Variants in RECQL observed in about 807,000 individuals in gnomAD.
RECQL encodes RecQ like helicase.
Under a neutral mutation model 75.8 loss-of-function variants are expected in RECQL, and 73 were observed. The observed-to-expected ratio is 0.96, with a 90% CI of 0.80 to 1.17. RECQL has a LOEUF of 1.17. RECQL is among the 50% of genes most tolerant of loss of function. RECQL has a pLI of 0.00. For missense variants in RECQL, 699 were observed against 772.1 expected (o/e 0.91, Z 1.12); for synonymous variants, 248 against 254.4 (o/e 0.97, Z 0.24).
chr12:21,492,132 C>A (rs1943426891), intron 2 of RECQL, among the ~76,000 whole-genome samples: 2 of 152,136 alleles, frequency 1.3e-5, no homozygotes, highest in South Asian at 4.1e-4. Context: ...AAGTATCAGA[C>A]TTTGAAGCAA....
intron 6 of RECQL, among the ~76,000 whole-genome samples, chr12:21,482,267 G>GAAAA (rs11451473): frequency 1.4e-5 from 2 of 146,534 alleles, no homozygotes; most frequent in Non-Finnish European, 3.0e-5. Flanking sequence ...CTTAACAAAA[G>GAAAA]AAAAAAAAAA....
Position 21,474,943 on chromosome 12 carries a change from T to G in RECQL, c.1253A>C (p.Tyr418Ser), listed in dbSNP as rs1295951241. The change falls in exon 11 of 15, where the codon TAC (tyrosine) becomes TCC (serine). Residue 418 changes from tyrosine to serine, a missense_variant. Physicochemically the swap from Tyr to Ser is moderately radical, Grantham distance 144. This residue lies in a region of RECQL where 669 missense variants were observed against 713.5 expected (regional missense o/e 0.94). Coordinates refer to ENST00000444129, the MANE Select transcript of RECQL (RefSeq NM_002907.4). ...TATTCTGAATATATCTCCAAAGCCG[T>G]AGTACAAAATACAGTCTGCTTTCAT... ...DDMKADCILYYGFGDIFRISS... is the reference protein window; with the variant it reads ...DDMKADCILYSGFGDIFRISS... The G allele has an allele frequency of 1.2e-6, 2 of 1,612,994 alleles. No homozygotes were observed. Among genetic ancestry groups the G allele is most frequent in the Non-Finnish European group, 1.7e-6 (2 of 1,179,148 alleles).
chr12:21,485,935 A>G (rs1943287403), intron 5 of RECQL, among the ~76,000 whole-genome samples: 1 of 152,208 alleles, frequency 6.6e-6, no homozygotes. Flanking sequence ...TCCTAAATAC[A>G]AGAAATTCCA....
intron 4 of RECQL, among the ~76,000 whole-genome samples, chr12:21,489,656 G>C (rs1943370721): frequency 6.6e-6 from 1 of 152,178 alleles, no homozygotes; most frequent in Admixed American, 6.6e-5. Context: ...TTCCAGAGCT[G>C]CTTCTCCTAC....
chr12:21,471,379 AAAAAC>A (rs748337741), intron 13 of RECQL, 44 bp downstream of exon 13: 89 of 1,539,430 alleles, frequency 5.8e-5, no homozygotes, highest in Non-Finnish European at 7.8e-5. Flanking sequence ...ATTTTTAAAA[AAAAAC>A]CATAAAGACA....
chr12:21,479,386 T>C (rs1943149701), intron 6 of RECQL, among the ~76,000 whole-genome samples: 1 of 143,748 alleles, frequency 7.0e-6, no homozygotes. Context: ...GGAGTCTCAC[T>C]CTGTCACCCA....
chr12:21,470,076 T>C lies in RECQL; in HGVS notation c.*118A>G, dbSNP rs1177647220. The C allele has an allele frequency of 2.8e-5, 20 of 703,092 alleles. No homozygotes were observed. Among genetic ancestry groups the C allele is most frequent in the East Asian group, 1.2e-4 (4 of 33,194 alleles). 43.6% of individuals were successfully genotyped at this position (703,092 alleles called of 1,614,324 possible). A position where few individuals can be genotyped will look rare whatever the true frequency, so the allele number is the denominator to read the frequency against. On this transcript the variant is annotated 3_prime_UTR_variant, in exon 15 of 15. Transcript: ENST00000444129. Reference sequence around the variant, plus strand: ...TCTTCAGAGATAAGCTCTGAAAATATAGATCCATACATATAAAATATCTAT... The same window carrying C: ...TCTTCAGAGATAAGCTCTGAAAATACAGATCCATACATATAAAATATCTAT...
At chr12:21,479,393 C>T (rs1037747306) in intron 6 of RECQL, among the ~76,000 whole-genome samples, 7 of 148,908 alleles carry the variant, frequency 4.7e-5, no homozygotes, top group African/African-American at 1.8e-4. Context: ...CACTCTGTCA[C>T]CCAGGTTGGA....
chr12:21,471,039 G>C lies in RECQL; in HGVS notation c.1727C>G (p.Ala576Gly), dbSNP rs747980779. The part of the protein sequence containing the change: ...TISYLKIGPK[A>G]NLLNNEAHAI... ...ATGTGCCTCATTGTTCAGAAGATTA[G>C]CTTTAGGTCCTATTTTCAAATACGA... The change falls in exon 14 of 15, where the codon GCT (alanine) becomes GGT (glycine). Residue 576 changes from alanine to glycine, a missense_variant. Ala to Gly is a moderately conservative substitution (Grantham distance 60). Coordinates refer to ENST00000444129, the MANE Select transcript of RECQL (RefSeq NM_002907.4). The C allele has an allele frequency of 6.2e-7, 1 of 1,601,908 alleles. No individual in the cohort carries two copies. Among genetic ancestry groups the C allele is most frequent in the South Asian group, 1.1e-5 (1 of 89,380 alleles).
intron 2 of RECQL, among the ~76,000 whole-genome samples, chr12:21,492,948 C>A (rs1419987500): frequency 6.6e-6 from 1 of 152,216 alleles, no homozygotes; most frequent in Non-Finnish European, 1.5e-5. Flanking sequence ...ACTTCACACC[C>A]ATCTTCCTTT....
Position 21,483,361 on chromosome 12 carries a change from A to G in RECQL, c.700+15T>C. 1.3e-6 allele frequency: 2 copies of G among 1,585,676 alleles called. No homozygotes were observed. The highest frequency in any genetic ancestry group is 1.7e-6 in the Non-Finnish European group (2 of 1,165,456). On this transcript the variant is annotated intron_variant, in intron 6 of 14. Coordinates refer to ENST00000444129, the MANE Select transcript of RECQL (RefSeq NM_002907.4). ...TCTATGACATCAAAAAGTTTTCTAG[A>G]TAAAACATACATACCAGGTCTGAAA... is the stretch of plus-strand genomic sequence containing the variant.
At chr12:21,485,347 A>G (rs1943272211) in intron 5 of RECQL, among the ~76,000 whole-genome samples, 1 of 143,108 alleles carries the variant, frequency 7.0e-6, no homozygotes, top group South Asian at 2.2e-4. Flanking sequence ...AAAAAAAGAA[A>G]AAGAAAGAAA....
intron 6 of RECQL, among the ~76,000 whole-genome samples, chr12:21,482,667 C>G (rs1943214217): frequency 6.6e-6 from 1 of 152,126 alleles, no homozygotes; most frequent in Non-Finnish European, 1.5e-5. Context: ...GGACGGGAAA[C>G]AGAGTGATTG....
chr12:21,469,114 T>A lies in RECQL; in HGVS notation c.*1080A>T, dbSNP rs183885154. ...GACTAGAACCATTCTTTGTGAAATG[T>A]CAAAATATGGCTATGGTTTCAGGAA... On this transcript the variant is annotated 3_prime_UTR_variant, in exon 15 of 15. Transcript: ENST00000444129. 1.8e-5 allele frequency: 3 copies of A among 170,060 alleles called. No individual in the cohort carries two copies. The Admixed American group carries it at 1.8e-4, about 10-fold the overall frequency. The allele number at this position is 170,060 out of a possible 1,614,324, so 10.5% of individuals were successfully genotyped here. A position where few individuals can be genotyped will look rare whatever the true frequency, so the allele number is the denominator to read the frequency against.
intron 2 of RECQL, among the ~76,000 whole-genome samples, chr12:21,496,631 A>G (rs528832500): frequency 5.3e-5 from 8 of 152,352 alleles, no homozygotes; most frequent in Admixed American, 5.2e-4. Context: ...AGAGGATAGA[A>G]GATAAATCCC....
At chr12:21,470,790 TTC>T (rs1942931141) in intron 14 of RECQL, 177 bp downstream of exon 14, 1 of 425,806 alleles carries the variant, frequency 2.3e-6, no homozygotes, top group Non-Finnish European at 3.9e-6. Flanking sequence ...CCAGTCTAAA[TTC>T]TTTCACTTAC....
At chr12:21,483,606 G>A (rs1161543298) in intron 5 of RECQL, 32 bp from the exon 6 acceptor site, 1 of 1,458,444 alleles carries the variant, frequency 6.9e-7, no homozygotes, top group South Asian at 1.3e-5. Context: ...CACAATGATA[G>A]TAAAACTAAG....
intron 8 of RECQL, among the ~76,000 whole-genome samples, chr12:21,476,624 A>G (rs566602612): frequency 1.3e-5 from 2 of 152,136 alleles, no homozygotes; most frequent in Non-Finnish European, 2.9e-5. Context: ...CATACTAAAT[A>G]TGTGCTGTTG....
chr12:21,501,136 A>AG (rs1438241976), intron 1 of RECQL, 34 bp downstream of exon 1: 1 of 152,146 alleles, frequency 6.6e-6, no homozygotes, highest in Non-Finnish European at 1.5e-5. Flanking sequence ...ACTGTGAAGC[A>AG]GGGGGTGGAA....
Sources: gnomAD v4.1 joint callset for allele counts (sites outside exome capture counted in the v4.1 genomes callset) on GRCh38, gnomAD v4.1.1 for gene constraint, gnomAD v4.1.1 regional missense constraint, MANE v1.5 for transcripts, NCBI Gene and HGNC (gene_info 2026-07-23, HGNC 2026-07-21) for gene names.